CNIH3: variants seen among roughly 807,000 people sequenced by gnomAD.
The protein encoded by CNIH3 is cornichon family AMPA receptor auxiliary protein 3.
A neutral mutation model predicts 24.1 loss-of-function variants in CNIH3; 14 were observed. The observed-to-expected ratio is 0.58, with a 90% CI of 0.38 to 0.91. CNIH3 has a LOEUF of 0.91. CNIH3 is among the 40% of genes least tolerant of loss of function. The probability of loss-of-function intolerance (pLI) is 0.00; values close to 1 mark genes in which losing one functional copy is unlikely to be tolerated. For synonymous variants in CNIH3, 68 were observed against 73.8 expected (o/e 0.92, Z 0.40); for missense variants, 178 against 196.8 (o/e 0.90, Z 0.57).
intron 1 of CNIH3, among the ~76,000 whole-genome samples, chr1:224,518,063 T>G (rs547342532): frequency 2.0e-5 from 3 of 152,264 alleles, no homozygotes; most frequent in Admixed American, 6.5e-5. Context: ...TGGAGTGCTG[T>G]TCATTTCTAG....
chr1:224,545,449 G>GT (rs1679668033), intron 2 of CNIH3, among the ~76,000 whole-genome samples: 1 of 152,206 alleles, frequency 6.6e-6, no homozygotes, highest in Non-Finnish European at 1.5e-5. Context: ...TTTCACAACA[G>GT]TATCAGTTAG....
intron 1 of CNIH3, among the ~76,000 whole-genome samples, chr1:224,625,054 A>G (rs527534983): frequency 6.6e-6 from 1 of 152,140 alleles, no homozygotes; most frequent in South Asian, 2.1e-4. Context: ...CTTGGACTAT[A>G]AGCTTCTGGA....
intron 1 of CNIH3, among the ~76,000 whole-genome samples, chr1:224,492,827 A>G (rs1279664201): frequency 6.6e-6 from 1 of 152,112 alleles, no homozygotes; most frequent in Non-Finnish European, 1.5e-5. Flanking sequence ...TACAGTTTTT[A>G]TTGCATATTT....
intron 1 of CNIH3, among the ~76,000 whole-genome samples, chr1:224,680,311 G>T (rs1223134405): frequency 6.6e-6 from 1 of 152,180 alleles, no homozygotes; most frequent in Non-Finnish European, 1.5e-5. Flanking sequence ...ACTGGAAAAG[G>T]TCCTCTCCAG....
chr1:224,634,593 A>G (rs1176831280), intron 1 of CNIH3, among the ~76,000 whole-genome samples: 1 of 152,090 alleles, frequency 6.6e-6, no homozygotes, highest in Admixed American at 6.5e-5. Context: ...AATAAAAAAA[A>G]AAAGGTTTTT....
chr1:224,669,891 G>A (rs746147414), intron 1 of CNIH3, among the ~76,000 whole-genome samples: 1 of 152,148 alleles, frequency 6.6e-6, no homozygotes, highest in Non-Finnish European at 1.5e-5. Flanking sequence ...ACTGAGACAT[G>A]CCGACTTGCA....
intron 3 of CNIH3, among the ~76,000 whole-genome samples, chr1:224,549,471 C>T (rs1177356853): frequency 6.6e-6 from 1 of 152,014 alleles, no homozygotes; most frequent in Non-Finnish European, 1.5e-5. Context: ...TGTGTACACA[C>T]ACACTGGTTG....
At chr1:224,712,207 A>G (rs1248414881) in intron 3 of CNIH3, among the ~76,000 whole-genome samples, 1 of 152,224 alleles carries the variant, frequency 6.6e-6, no homozygotes, top group Non-Finnish European at 1.5e-5. Context: ...AGTTGTTCCC[A>G]AACCTGGTTG....
intron 1 of CNIH3, among the ~76,000 whole-genome samples, chr1:224,674,280 T>G (rs1276781393): frequency 1.7e-5 from 1 of 59,662 alleles, no homozygotes; most frequent in African/African-American, 6.1e-5. Context: ...AGGTTTTTTT[T>G]TTTTTTTTTT....
intron 3 of CNIH3, among the ~76,000 whole-genome samples, chr1:224,564,405 G>A (rs1316245197): frequency 2.6e-5 from 4 of 152,214 alleles, no homozygotes; most frequent in Non-Finnish European, 4.4e-5. Context: ...CAGCAGGACC[G>A]TCTCTGGACA....
chr1:224,503,732 C>T (rs1413224738), intron 1 of CNIH3, among the ~76,000 whole-genome samples: 2 of 152,262 alleles, frequency 1.3e-5, no homozygotes, highest in African/African-American at 4.8e-5. Context: ...CTATTGAAAA[C>T]ACAGCTGTGG....
At chr1:224,568,914 C>T (rs1680699317) in intron 4 of CNIH3, among the ~76,000 whole-genome samples, 4 of 151,972 alleles carry the variant, frequency 2.6e-5, no homozygotes, top group African/African-American at 7.3e-5. Flanking sequence ...CTCTTGTTGC[C>T]CAGGCTGAAG....
chr1:224,459,191 GCTTAGATCAAGT>G (rs67877644), intron 1 of CNIH3: 742,803 of 969,832 alleles, frequency 0.77, 290,508 homozygotes, highest in East Asian at 0.99. Flanking sequence ...TCCTTCTACT[GCTTAGATCAAGT>G]CTTCAGCAGA....
chr1:224,640,412 T>C (rs1684300258), intron 1 of CNIH3, among the ~76,000 whole-genome samples: 1 of 152,214 alleles, frequency 6.6e-6, no homozygotes, highest in South Asian at 2.1e-4. Flanking sequence ...ACAGTTGCCC[T>C]GAGAGGCAAT....
At chr1:224,570,978 C>T (rs1229346950) in intron 4 of CNIH3, among the ~76,000 whole-genome samples, 2 of 151,960 alleles carry the variant, frequency 1.3e-5, no homozygotes, top group African/African-American at 4.8e-5. Context: ...TGAGCAATGG[C>T]AGCTTTGTCA....
intron 3 of CNIH3, among the ~76,000 whole-genome samples, chr1:224,559,029 G>A (rs910531890): frequency 1.3e-5 from 2 of 152,188 alleles, no homozygotes; most frequent in African/African-American, 4.8e-5. Context: ...TTAAAAGCAC[G>A]CTTTGCAAAC....
chr1:224,475,578 T>C (rs573033293), intron 1 of CNIH3, among the ~76,000 whole-genome samples: 6 of 152,098 alleles, frequency 3.9e-5, no homozygotes, highest in Non-Finnish European at 7.4e-5. Flanking sequence ...AGTGATGAGA[T>C]TGAAGCCATA....
At chr1:224,469,626 G>C (rs539714621) in intron 1 of CNIH3, among the ~76,000 whole-genome samples, 1 of 152,258 alleles carries the variant, frequency 6.6e-6, no homozygotes, top group African/African-American at 2.4e-5. Context: ...CTCCGCCTCA[G>C]CCTCCCAAGT....
intron 3 of CNIH3, among the ~76,000 whole-genome samples, chr1:224,608,136 G>A (rs1008231784): frequency 7.2e-5 from 11 of 152,084 alleles, no homozygotes; most frequent in African/African-American, 1.2e-4. Flanking sequence ...AGGAGAGAAC[G>A]TTTATTAAAA....
Sources: allele counts gnomAD v4.1 joint callset (sites outside exome capture counted in the v4.1 genomes callset), GRCh38; gene constraint gnomAD v4.1.1; transcripts MANE v1.5; gene names NCBI Gene and HGNC (gene_info 2026-07-23, HGNC 2026-07-21).